Variants in NPR2 observed in about 807,000 individuals in gnomAD.
NPR2 encodes the protein natriuretic peptide receptor 2.
A neutral mutation model predicts 120.7 loss-of-function variants in NPR2; 49 were observed. That is an observed-to-expected ratio of 0.41 (90% CI 0.32 to 0.52). The LOEUF (loss-of-function observed/expected upper bound fraction) is 0.52, where lower values mean the gene tolerates loss of function less well. Ranked by LOEUF, NPR2 falls within the 20% of genes least tolerant of loss-of-function variation. NPR2 has a pLI of 0.36. For synonymous variants in NPR2, 484 were observed against 519.8 expected (o/e 0.93, Z 0.94); for missense variants, 931 against 1,362.9 (o/e 0.68, Z 4.99).
chr9:35,799,436 ACACACACACG>A (rs1273569591), intron 2 of NPR2, among the ~76,000 whole-genome samples, 172 bp from the exon 3 acceptor site: 4 of 151,782 alleles, frequency 2.6e-5, no homozygotes, highest in African/African-American at 7.3e-5. Flanking sequence ...ACACACACAC[ACACACACACG>A]CACACACACA....
chr9:35,800,984 G>A lies in NPR2; in HGVS notation c.1352-86G>A. 1 of 1,525,198 alleles carries A rather than the reference G, an allele frequency of 6.6e-7. No homozygotes were observed. Among genetic ancestry groups the A allele is most frequent in the South Asian group, 1.1e-5 (1 of 89,292 alleles). 94.5% of individuals were successfully genotyped at this position (1,525,198 alleles called of 1,614,324 possible). ...CTCCTCATTTCTTCCTACTCCCAAG[G>A]AGTCTGTCTATGCACCTATGCACCC... On this transcript the variant is annotated intron_variant, in intron 6 of 21. Coordinates refer to ENST00000342694, the MANE Select transcript of NPR2 (RefSeq NM_003995.4). The surrounding 1 kb of genome is among the most constrained non-coding windows in gnomAD (Gnocchi z 4.7).
chr9:35,805,661 C>G lies in NPR2; in HGVS notation c.2038C>G (p.Leu680Val). ...STAEPDDSHA[L>V]YAKKLWTAPE... ...TGCTGAACCTGATGACAGCCATGCC[C>G]TCTATGCCAGTGAGGCCCACCCCCA... is the stretch of plus-strand genomic sequence containing the variant. Residue 680 changes from leucine to valine, a missense_variant, in exon 13 of 22, where the codon CTC (leucine) becomes GTC (valine). By Grantham distance (32) the Leu-to-Val change is conservative (BLOSUM62 1). Transcript: ENST00000342694. This position sits in a 1 kb window ranked among gnomAD's most constrained non-coding sequence, Gnocchi z 4.9. 2 of 1,614,070 alleles carry G rather than the reference C, an allele frequency of 1.2e-6. No individual in the cohort carries two copies. Among genetic ancestry groups the G allele is most frequent in the Non-Finnish European group, 1.7e-6 (2 of 1,180,040 alleles).
At chr9:35,797,082 C>T (rs1188681211) in intron 2 of NPR2, among the ~76,000 whole-genome samples, 2 of 152,208 alleles carry the variant, frequency 1.3e-5, no homozygotes, top group East Asian at 3.8e-4. Context: ...CATTTAGCCA[C>T]TAGCTGCTCC....
At chr9:35,793,446 C>G (rs772028305) in intron 1 of NPR2, among the ~76,000 whole-genome samples, 1 of 152,116 alleles carries the variant, frequency 6.6e-6, no homozygotes, top group African/African-American at 2.4e-5. Flanking sequence ...CCAGACTGGG[C>G]GCCAAGACCC....
intron 2 of NPR2, among the ~76,000 whole-genome samples, chr9:35,796,108 C>G (rs756119974): frequency 6.6e-6 from 1 of 152,216 alleles, no homozygotes; most frequent in East Asian, 1.9e-4. Flanking sequence ...AAGAGAAGAA[C>G]AAGGGGATTG....
chr9:35,809,561 C>CAA lies in NPR2; in HGVS notation c.*122_*123dup. On this transcript the variant is annotated 3_prime_UTR_variant, in exon 22 of 22. Transcript: ENST00000342694. This position sits in a 1 kb window ranked among gnomAD's most constrained non-coding sequence, Gnocchi z 4.1. ...TTTCATATGCAATGGAAAACAGCCA[C>CAA]AAAAAAACCTACCTTATATGGAAGT... is the stretch of plus-strand genomic sequence containing the variant. 6.5e-7 allele frequency: 1 copy of CAA among 1,544,018 alleles called. No individual in the cohort carries two copies. Among genetic ancestry groups the CAA allele is most frequent in the Middle Eastern group, 1.7e-4 (1 of 5,938 alleles).
chr9:35,792,338 G>A lies in NPR2; in HGVS notation c.-71G>A. On this transcript the variant is annotated 5_prime_UTR_variant, in exon 1 of 22. In the 5' UTR this introduces an upstream ATG that the reference lacks. Transcript: ENST00000342694. Reference sequence around the variant, plus strand: ...TCTTCCCCAGGCTCCAGGCTGGGGGGTGCTCGCGTCTCCCCTGTAGGCCAG... The same window carrying A: ...TCTTCCCCAGGCTCCAGGCTGGGGGATGCTCGCGTCTCCCCTGTAGGCCAG... The A allele has an allele frequency of 6.6e-7, 1 of 1,506,810 alleles. No homozygotes were observed. Among genetic ancestry groups the A allele is most frequent in the South Asian group, 1.2e-5 (1 of 80,402 alleles). The allele number at this position is 1,506,810 out of a possible 1,614,324, so 93.3% of individuals were successfully genotyped here.
Position 35,808,353 on chromosome 9 carries a change from C to T in NPR2, c.2713-156C>T. On this transcript the variant is annotated intron_variant, in intron 18 of 21. Transcript: ENST00000342694. This position sits in a 1 kb window ranked among gnomAD's most constrained non-coding sequence, Gnocchi z 4.0. The stretch of plus-strand genomic sequence containing the variant: ...AAAGATTCCCTAGACATCTCCTCTC[C>T]CCTAGACTCAGGACCATGGCACTTA... The T allele has an allele frequency of 6.9e-7, 1 of 1,453,314 alleles. No individual in the cohort carries two copies. The highest frequency in any genetic ancestry group is 9.7e-7 in the Non-Finnish European group (1 of 1,036,180). The allele number at this position is 1,453,314 out of a possible 1,614,324, so 90.0% of individuals were successfully genotyped here.
Position 35,805,591 on chromosome 9 carries a change from T to G in NPR2, c.1968T>G (p.Phe656Leu). Residue 656 changes from phenylalanine (F) to leucine (L), a missense_variant, in exon 13 of 22, where the codon TTT (phenylalanine) becomes TTG (leucine). Physicochemically the swap from Phe to Leu is conservative, Grantham distance 22 (BLOSUM62 0). Around this residue, in one of 3 missense-constraint regions of NPR2, gnomAD observed 681 missense variants for 974.3 expected, o/e 0.70. Transcript: ENST00000342694. The surrounding 1 kb of genome is among the most constrained non-coding windows in gnomAD (Gnocchi z 4.9). ...CCAACTGTGTGGTGGATAGTCGTTT[T>G]GTGCTCAAAATCACAGACTATGGCC... ...KSSNCVVDSR[F>L]VLKITDYGLA... The G allele has an allele frequency of 1.2e-6, 2 of 1,614,260 alleles. No individual in the cohort carries two copies. The highest frequency in any genetic ancestry group is 2.2e-5 in the East Asian group (1 of 44,884).
chr9:35,802,422 C>T lies in NPR2; in HGVS notation c.1711-81C>T, dbSNP rs1828205579. On this transcript the variant is annotated intron_variant, in intron 10 of 21. Coordinates refer to ENST00000342694, the MANE Select transcript of NPR2 (RefSeq NM_003995.4). The surrounding 1 kb of genome is among the most constrained non-coding windows in gnomAD (Gnocchi z 4.2). ...CGTAGATACAACTAAGAGAAAGGTC[C>T]TCTTATGTAGTGGTAAGTTTCTGTA... 2 of 972,580 alleles carry T rather than the reference C, an allele frequency of 2.1e-6. No homozygotes were observed. The highest frequency in any genetic ancestry group is 3.4e-6 in the Non-Finnish European group (2 of 596,022). The allele number at this position is 972,580 out of a possible 1,614,324, so 60.2% of individuals were successfully genotyped here.
In NPR2 at chr9:35,800,954, C is replaced by A; in HGVS notation, c.1351+113C>A. ...GTGCTTCTGCCTTTACGTCTGCATC[C>A]CTCCCTCCTCATTTCTTCCTACTCC... On this transcript the variant is annotated intron_variant, in intron 6 of 21. Transcript: ENST00000342694. The surrounding 1 kb of genome is among the most constrained non-coding windows in gnomAD (Gnocchi z 4.7). The A allele has an allele frequency of 1.3e-6, 2 of 1,540,022 alleles. No homozygotes were observed. Among genetic ancestry groups the A allele is most frequent in the Non-Finnish European group, 1.8e-6 (2 of 1,112,412 alleles).
rs1279151220 is a variant in NPR2, at chr9:35,806,397, G to C, written c.2378G>C (p.Gly793Ala). Residue 793 changes from glycine (G) to alanine (A), a missense_variant, in exon 16 of 22, where the codon GGT (glycine) becomes GCT (alanine). Physicochemically the swap from Gly to Ala is moderately conservative, Grantham distance 60. Around this residue, in one of 3 missense-constraint regions of NPR2, gnomAD observed 184 missense variants for 328.3 expected, o/e 0.56. Transcript: ENST00000342694. The surrounding 1 kb of genome is among the most constrained non-coding windows in gnomAD (Gnocchi z 4.6). ...TTATCCTGGCCTCCCTCTAGGGAGGGTGGCACCAGCATATTGGACAACCTC... is the reference window on the plus strand; with the variant it reads ...TTATCCTGGCCTCCCTCTAGGGAGGCTGGCACCAGCATATTGGACAACCTC... ...KGFIRRFNKE[G>A]GTSILDNLLL... is the part of the protein sequence containing the mutation. 6.2e-7 allele frequency: 1 copy of C among 1,613,746 alleles called. No homozygotes were observed. The highest frequency in any genetic ancestry group is 8.5e-7 in the Non-Finnish European group (1 of 1,179,758).
chr9:35,796,224 C>T (rs1224782051), intron 2 of NPR2, among the ~76,000 whole-genome samples: 1 of 152,118 alleles, frequency 6.6e-6, no homozygotes, highest in Non-Finnish European at 1.5e-5. Context: ...GCTCTGTTGC[C>T]CAAGTTGGAG....
Position 35,809,180 on chromosome 9 carries a change from C to T in NPR2, c.3011C>T (p.Thr1004Ile), listed in dbSNP as rs371926904. Reference sequence around the variant, plus strand: ...GCGCTGAAGATCCATGTCTCCTCTACCACCAAGGATGCCCTAGATGAGCTA... The same window carrying T: ...GCGCTGAAGATCCATGTCTCCTCTATCACCAAGGATGCCCTAGATGAGCTA... ...GQALKIHVSS[T>I]TKDALDELGC... Residue 1004 changes from threonine to isoleucine, a missense_variant, in exon 21 of 22, where the codon ACC (threonine) becomes ATC (isoleucine). Transcript: ENST00000342694. The surrounding 1 kb of genome is among the most constrained non-coding windows in gnomAD (Gnocchi z 4.1). 3.1e-5 allele frequency: 50 copies of T among 1,613,896 alleles called. No homozygotes were observed. Among genetic ancestry groups the T allele is most frequent in the Non-Finnish European group, 4.0e-5 (47 of 1,179,966 alleles).
At position 35,806,877 on chromosome 9, in the gene NPR2, G is replaced by A. The variant is rs1828414669; in HGVS notation, c.2520-146G>A. On this transcript the variant is annotated intron_variant, in intron 16 of 21. Transcript: ENST00000342694. This position sits in a 1 kb window ranked among gnomAD's most constrained non-coding sequence, Gnocchi z 4.6. ...GCCTTACCTTGCATTAGACTGTAAT[G>A]TCTTCCCAGCCACTTTCCTCCCTCC... 2.2e-6 allele frequency: 2 copies of A among 898,696 alleles called. No individual in the cohort carries two copies. Among genetic ancestry groups the A allele is most frequent in the Admixed American group, 2.2e-5 (1 of 45,484 alleles). The allele number at this position is 898,696 out of a possible 1,614,324, so 55.7% of individuals were successfully genotyped here.
In NPR2 at chr9:35,792,354, T is replaced by C; in HGVS notation, c.-55T>C. ...GGCTGGGGGGTGCTCGCGTCTCCCCTGTAGGCCAGAGCAGCCCCAAGTTCT... is the reference window on the plus strand; with the variant it reads ...GGCTGGGGGGTGCTCGCGTCTCCCCCGTAGGCCAGAGCAGCCCCAAGTTCT... On this transcript the variant is annotated 5_prime_UTR_variant, in exon 1 of 22. Transcript: ENST00000342694. 1 of 1,576,262 alleles carries C rather than the reference T, an allele frequency of 6.3e-7. No individual in the cohort carries two copies. Among genetic ancestry groups the C allele is most frequent in the Non-Finnish European group, 8.6e-7 (1 of 1,162,686 alleles).
At position 35,805,443 on chromosome 9, in the gene NPR2, A is replaced by T; in HGVS notation, c.1888-68A>T. ...ATCTGTAGACAGCTAGCCAGTGCCC[A>T]TCTCATGGAGAGAGGGTATTCTAAG... On this transcript the variant is annotated intron_variant, in intron 12 of 21. Coordinates refer to ENST00000342694, the MANE Select transcript of NPR2 (RefSeq NM_003995.4). The surrounding 1 kb of genome is among the most constrained non-coding windows in gnomAD (Gnocchi z 4.9). 1.3e-6 allele frequency: 2 copies of T among 1,495,816 alleles called. No individual in the cohort carries two copies. The highest frequency in any genetic ancestry group is 1.7e-4 in the Middle Eastern group (1 of 5,716). 92.7% of individuals were successfully genotyped at this position (1,495,816 alleles called of 1,614,324 possible). A position where few individuals can be genotyped will look rare whatever the true frequency, so the allele number is the denominator to read the frequency against.
rs1247715815 is a variant in NPR2, at chr9:35,798,905, G to A, written c.874-713G>A. Among the ~76,000 whole-genome samples, 6 of 152,234 alleles carry A rather than the reference G, an allele frequency of 3.9e-5. No homozygotes were observed. In the East Asian group the frequency reaches 7.7e-4, roughly 20 times the overall value. ...TGTGTCATTTGCTTACCTGTGAAAT[G>A]TGTGTGGGCATGTGACTGTGTGTTT... On this transcript the variant is annotated intron_variant, in intron 2 of 21. Coordinates refer to ENST00000342694, the MANE Select transcript of NPR2 (RefSeq NM_003995.4).
rs1276640556 is a variant in NPR2, at chr9:35,808,309, G to A, written c.2713-200G>A. On this transcript the variant is annotated intron_variant, in intron 18 of 21. Coordinates refer to ENST00000342694, the MANE Select transcript of NPR2 (RefSeq NM_003995.4). This position sits in a 1 kb window ranked among gnomAD's most constrained non-coding sequence, Gnocchi z 4.0. ...GTTTACTGAGTATTCACCAGGTGCT[G>A]GGTGGAGAAAGAAGACTTAAAGATT... is the stretch of plus-strand genomic sequence containing the variant. 2 of 1,597,742 alleles carry A rather than the reference G, an allele frequency of 1.3e-6. No homozygotes were observed. The highest frequency in any genetic ancestry group is 1.7e-6 in the Non-Finnish European group (2 of 1,165,138).
Sources: allele counts gnomAD v4.1 joint callset (sites outside exome capture counted in the v4.1 genomes callset), GRCh38; gene constraint gnomAD v4.1.1; regional missense constraint gnomAD v4.1.1; non-coding constraint Gnocchi (gnomAD v3.1); transcripts MANE v1.5; gene names NCBI Gene and HGNC (gene_info 2026-07-23, HGNC 2026-07-21).